KCNIP4: variants seen among roughly 807,000 people sequenced by gnomAD.
KCNIP4 encodes Kv channel-interacting protein 4.
A neutral mutation model predicts 34.0 loss-of-function variants in KCNIP4; 12 were observed. That is an observed-to-expected ratio of 0.35 (90% CI 0.23 to 0.57). The LOEUF (loss-of-function observed/expected upper bound fraction) is 0.57. Among genes scored for constraint, KCNIP4 ranks in the 20% least tolerant of loss-of-function variants. The pLI, the probability that KCNIP4 is intolerant of heterozygous loss-of-function variation, is 0.83. For missense variants in KCNIP4, 238 were observed against 311.7 expected (o/e 0.76, Z 1.78); for synonymous variants, 124 against 102.2 (o/e 1.21, Z -1.29).
At chr4:20,837,806 C>T (rs1055948997) in intron 3 of KCNIP4, among the ~76,000 whole-genome samples, 3 of 151,218 alleles carry the variant, frequency 2.0e-5, no homozygotes, top group East Asian at 1.9e-4. Flanking sequence ...CTCAGCCTCC[C>T]GAGTAGCTGG....
At chr4:21,800,486 A>T (rs1295728662) in intron 1 of KCNIP4, among the ~76,000 whole-genome samples, 6 of 152,224 alleles carry the variant, frequency 3.9e-5, no homozygotes, top group Admixed American at 3.9e-4. Flanking sequence ...ACATTTCTAA[A>T]GAACTAAAAT....
At chr4:21,925,104 T>G (rs1488784124) in intron 1 of KCNIP4, among the ~76,000 whole-genome samples, 1 of 152,110 alleles carries the variant, frequency 6.6e-6, no homozygotes, top group Non-Finnish European at 1.5e-5. Context: ...ATTATTATAC[T>G]TTAAGTTTTA....
At chr4:21,738,290 C>A (rs1439521650) in intron 1 of KCNIP4, among the ~76,000 whole-genome samples, 1 of 151,900 alleles carries the variant, frequency 6.6e-6, no homozygotes, top group Non-Finnish European at 1.5e-5. Flanking sequence ...TCAAATAAAA[C>A]ATGTGAGACA....
At chr4:21,189,200 G>A (rs990381282) in intron 1 of KCNIP4, among the ~76,000 whole-genome samples, 3 of 152,112 alleles carry the variant, frequency 2.0e-5, no homozygotes, top group Non-Finnish European at 4.4e-5. Context: ...TTACTGTATA[G>A]TGGATACATG....
chr4:20,925,250 C>A (rs1435086031), intron 1 of KCNIP4, among the ~76,000 whole-genome samples: 2 of 152,018 alleles, frequency 1.3e-5, no homozygotes, highest in Non-Finnish European at 2.9e-5. Flanking sequence ...CAACTCCATC[C>A]TAAATAGGAA....
intron 1 of KCNIP4, among the ~76,000 whole-genome samples, chr4:21,330,481 A>C (rs1256347114): frequency 5.3e-5 from 8 of 152,180 alleles, no homozygotes; most frequent in Non-Finnish European, 1.5e-5. Flanking sequence ...TAAACGTTGC[A>C]CCATCCACTT....
At chr4:20,904,329 G>GTATATATATA (rs71655609) in intron 1 of KCNIP4, among the ~76,000 whole-genome samples, 29 of 144,940 alleles carry the variant, frequency 2.0e-4, no homozygotes, top group African/African-American at 2.5e-4. Flanking sequence ...ATGTGTGTGT[G>GTATATATATA]TGTATATATA....
At chr4:21,685,403 G>A (rs755467198) in intron 1 of KCNIP4, among the ~76,000 whole-genome samples, 18 of 152,050 alleles carry the variant, frequency 1.2e-4, no homozygotes, top group Non-Finnish European at 2.1e-4. Context: ...ATATAAACTT[G>A]TCCAAGGTCA....
intron 1 of KCNIP4, among the ~76,000 whole-genome samples, chr4:21,913,737 C>T (rs1728470815): frequency 6.6e-6 from 1 of 151,942 alleles, no homozygotes. Context: ...TGTGTGATAA[C>T]AAGGACTATT....
chr4:21,254,926 C>A (rs1282386064), intron 1 of KCNIP4, among the ~76,000 whole-genome samples: 1 of 152,188 alleles, frequency 6.6e-6, no homozygotes, highest in African/African-American at 2.4e-5. Context: ...ATCGCAGTCA[C>A]CAGATAATCA....
chr4:20,755,847 G>A (rs1036563368), intron 4 of KCNIP4, among the ~76,000 whole-genome samples: 4 of 152,178 alleles, frequency 2.6e-5, no homozygotes, highest in African/African-American at 9.6e-5. Flanking sequence ...CATGGCTGGT[G>A]TGCTGGTGGG....
At chr4:21,340,455 A>G (rs900182132) in intron 1 of KCNIP4, among the ~76,000 whole-genome samples, 5 of 152,120 alleles carry the variant, frequency 3.3e-5, no homozygotes, top group Non-Finnish European at 5.9e-5. Context: ...ACAGAACTTG[A>G]TTTATGTTAT....
intron 3 of KCNIP4, among the ~76,000 whole-genome samples, chr4:20,793,252 C>G (rs752966118): frequency 6.6e-6 from 1 of 152,026 alleles, no homozygotes; most frequent in African/African-American, 2.4e-5. Context: ...AAGAAATGAA[C>G]AACAGTGATA....
At position 21,859,831 on chromosome 4, in the gene KCNIP4, C is replaced by G. The variant is rs145297727; in HGVS notation, c.61+88740G>C. Among the ~76,000 whole-genome samples, 696 of 152,128 alleles carry G rather than the reference C, an allele frequency of 4.6e-3. 6 individuals are homozygous for G. Among genetic ancestry groups the G allele is most frequent in the Middle Eastern group, 0.02 (6 of 294 alleles). ...ATCGCTTGAGCCCGGGAGTTGGAGA[C>G]TAGCCAGGCAACAGAGTGAGACTTA... On this transcript the variant is annotated intron_variant, in intron 1 of 8. Transcript: ENST00000382152.
chr4:21,442,730 G>A (rs924324806), intron 1 of KCNIP4, among the ~76,000 whole-genome samples: 1 of 152,066 alleles, frequency 6.6e-6, no homozygotes, highest in African/African-American at 2.4e-5. Context: ...TTCAGCTCAT[G>A]TACCCCATTC....
At chr4:21,313,809 T>A (rs1713442020) in intron 1 of KCNIP4, among the ~76,000 whole-genome samples, 1 of 152,212 alleles carries the variant, frequency 6.6e-6, no homozygotes, top group Non-Finnish European at 1.5e-5. Context: ...GACCTGCTGG[T>A]TTGATAACTC....
chr4:21,675,835 C>A (rs1019000083), intron 1 of KCNIP4, among the ~76,000 whole-genome samples: 1 of 152,168 alleles, frequency 6.6e-6, no homozygotes, highest in African/African-American at 2.4e-5. Context: ...CATGATCCAA[C>A]TACTTTTCAA....
chr4:21,610,774 G>A (rs899760099), intron 1 of KCNIP4, among the ~76,000 whole-genome samples: 1 of 151,942 alleles, frequency 6.6e-6, no homozygotes, highest in Admixed American at 6.6e-5. Context: ...TGGGTGGGGA[G>A]GCCTCAGGAA....
At chr4:21,109,780 T>C (rs1748986520) in intron 1 of KCNIP4, among the ~76,000 whole-genome samples, 2 of 152,180 alleles carry the variant, frequency 1.3e-5, no homozygotes, top group Non-Finnish European at 2.9e-5. Context: ...TGAAATATAA[T>C]TTTTCCTACC....
Sources: allele counts gnomAD v4.1 joint callset (sites outside exome capture counted in the v4.1 genomes callset), GRCh38; gene constraint gnomAD v4.1.1; transcripts MANE v1.5; gene names NCBI Gene and HGNC (gene_info 2026-07-23, HGNC 2026-07-21).